Variants in CRPPA observed in about 807,000 individuals in gnomAD.
The protein encoded by CRPPA is D-ribitol-5-phosphate cytidylyltransferase.
CRPPA carries 43 observed loss-of-function variants against 52.0 expected under a neutral mutation model. That is an observed-to-expected ratio of 0.83 (90% CI 0.65 to 1.07). The LOEUF (loss-of-function observed/expected upper bound fraction) is 1.07. CRPPA is among the 50% of genes least tolerant of loss of function. The probability of loss-of-function intolerance (pLI) is 0.00; values close to 1 mark genes in which losing one functional copy is unlikely to be tolerated. For missense variants in CRPPA, 629 were observed against 551.7 expected (o/e 1.14, Z -1.40); for synonymous variants, 250 against 203.5 (o/e 1.23, Z -1.94).
chr7:16,375,144 G>A (rs1050892150), intron 3 of CRPPA, among the ~76,000 whole-genome samples: 4 of 152,178 alleles, frequency 2.6e-5, no homozygotes, highest in Middle Eastern at 3.4e-3. Flanking sequence ...CATGTTCTAC[G>A]ATGACCATGG....
intron 8 of CRPPA, among the ~76,000 whole-genome samples, chr7:16,223,942 T>C (rs769138369): frequency 2.6e-4 from 39 of 152,146 alleles, no homozygotes; most frequent in Non-Finnish European, 4.9e-4. Context: ...TAAAACAGTA[T>C]TTCCCATGCA....
chr7:16,393,838 G>A (rs1787502954), intron 2 of CRPPA, among the ~76,000 whole-genome samples: 1 of 151,906 alleles, frequency 6.6e-6, no homozygotes. Flanking sequence ...TTAGTGTCCA[G>A]AATATATAAC....
chr7:16,160,309 C>A (rs557409366), intron 9 of CRPPA, among the ~76,000 whole-genome samples: 1 of 152,152 alleles, frequency 6.6e-6, no homozygotes, highest in South Asian at 2.1e-4. Flanking sequence ...GGTAGTAACA[C>A]TTAAATCTTT....
intron 9 of CRPPA, among the ~76,000 whole-genome samples, chr7:16,163,998 C>T (rs1403312582): frequency 6.6e-6 from 1 of 152,064 alleles, no homozygotes; most frequent in East Asian, 1.9e-4. Flanking sequence ...CTTGGGGTTG[C>T]TCTTCTAGAG....
chr7:16,400,366 C>T lies in CRPPA; in HGVS notation c.534+5695G>A, dbSNP rs116187823. 7.2e-3 allele frequency among the ~76,000 whole-genome samples: 1,092 copies of T among 152,356 alleles called. 18 individuals carry two copies. The highest frequency in any genetic ancestry group is 0.024 in the African/African-American group (1,019 of 41,594). On this transcript the variant is annotated intron_variant, in intron 2 of 9. Coordinates refer to ENST00000407010, the MANE Select transcript of CRPPA (RefSeq NM_001101426.4). The stretch of plus-strand genomic sequence containing the variant: ...ATTGACATGATTGACACATGACCAA[C>T]ACGTTTGTGACACACTGACCTGGTT...
intron 3 of CRPPA, among the ~76,000 whole-genome samples, chr7:16,327,523 G>A (rs1785438645): frequency 6.7e-6 from 1 of 148,282 alleles, no homozygotes; most frequent in African/African-American, 2.5e-5. Flanking sequence ...AACCTGGGAA[G>A]CGGAGCTCGC....
chr7:16,335,582 C>A (rs191805711), intron 3 of CRPPA, among the ~76,000 whole-genome samples: 143 of 151,848 alleles, frequency 9.4e-4, no homozygotes, highest in African/African-American at 3.3e-3. Context: ...TGAAGTTGAG[C>A]AAAACAATAA....
At chr7:16,352,918 CACACACAT>C (rs1459842361) in intron 3 of CRPPA, among the ~76,000 whole-genome samples, 8 of 115,710 alleles carry the variant, frequency 6.9e-5, no homozygotes, top group Non-Finnish European at 1.3e-4. Context: ...CACACACACA[CACACACAT>C]TGGAGTACTA....
intron 8 of CRPPA, among the ~76,000 whole-genome samples, chr7:16,217,415 C>T (rs1240672501): frequency 1.3e-5 from 2 of 149,420 alleles, no homozygotes; most frequent in Non-Finnish European, 3.0e-5. Flanking sequence ...CAGTTCCTCA[C>T]CAGCAACGGA....
At chr7:16,104,569 A>G (rs1782110674) in intron 9 of CRPPA, among the ~76,000 whole-genome samples, 1 of 152,222 alleles carries the variant, frequency 6.6e-6, no homozygotes, top group South Asian at 2.1e-4. Flanking sequence ...CTTGTGTCAG[A>G]AGAGTTCATG....
At chr7:16,138,003 G>C (rs1380913134) in intron 9 of CRPPA, among the ~76,000 whole-genome samples, 1 of 152,012 alleles carries the variant, frequency 6.6e-6, no homozygotes, top group Non-Finnish European at 1.5e-5. Flanking sequence ...TACAGCATAA[G>C]CTTTATTCTT....
At chr7:16,365,770 G>A (rs949617424) in intron 3 of CRPPA, among the ~76,000 whole-genome samples, 4 of 151,984 alleles carry the variant, frequency 2.6e-5, no homozygotes, top group African/African-American at 9.7e-5. Flanking sequence ...TCAAGATTTG[G>A]CCACAAAGTA....
At chr7:16,218,809 A>C (rs1225938049) in intron 8 of CRPPA, among the ~76,000 whole-genome samples, 3 of 144,026 alleles carry the variant, frequency 2.1e-5, no homozygotes, top group African/African-American at 7.9e-5. Context: ...TGAGTGACCT[A>C]CAAAGAGACT....
chr7:16,366,843 C>T (rs1257525518), intron 3 of CRPPA, among the ~76,000 whole-genome samples: 2 of 151,422 alleles, frequency 1.3e-5, no homozygotes, highest in East Asian at 1.9e-4. Flanking sequence ...GACGCATGAC[C>T]GTGAAGAGAT....
intron 9 of CRPPA, among the ~76,000 whole-genome samples, chr7:16,132,148 C>CCTGGTCCCTGGTGACAA (rs1562519760): frequency 3.2e-4 from 41 of 128,004 alleles, no homozygotes; most frequent in South Asian, 1.4e-3. Context: ...AATATGGAAC[C>CCTGGTCCCTGGTGACAA]AAAGAGTGAT....
intron 3 of CRPPA, among the ~76,000 whole-genome samples, chr7:16,346,500 G>A (rs1466677198): frequency 6.7e-6 from 1 of 149,828 alleles, no homozygotes; most frequent in Non-Finnish European, 1.5e-5. Context: ...TTCTGTTCAT[G>A]CAAGAAAGTT....
intron 8 of CRPPA, 57 bp from the exon 9 acceptor site, chr7:16,216,254 G>C: frequency 8.7e-7 from 1 of 1,154,418 alleles, no homozygotes; most frequent in Non-Finnish European, 1.2e-6. Context: ...TTCTCTGGAG[G>C]GAAAAAACAT....
intron 9 of CRPPA, among the ~76,000 whole-genome samples, chr7:16,114,694 A>T (rs964066189): frequency 6.6e-6 from 1 of 152,034 alleles, no homozygotes; most frequent in Non-Finnish European, 1.5e-5. Context: ...AGAGTAATGA[A>T]GAGGAAAAGA....
intron 9 of CRPPA, among the ~76,000 whole-genome samples, chr7:16,185,395 G>C (rs889140500): frequency 1.6e-4 from 25 of 152,114 alleles, no homozygotes; most frequent in African/African-American, 6.0e-4. Flanking sequence ...TACAATTCAA[G>C]ATGAGATTTG....
Sources: allele counts gnomAD v4.1 joint callset (sites outside exome capture counted in the v4.1 genomes callset), GRCh38; gene constraint gnomAD v4.1.1; transcripts MANE v1.5; gene names NCBI Gene and HGNC (gene_info 2026-07-23, HGNC 2026-07-21).